TTC28: variants seen among roughly 807,000 people sequenced by gnomAD.
TTC28 encodes the protein tetratricopeptide repeat protein 28.
A neutral mutation model predicts 198.0 loss-of-function variants in TTC28; 61 were observed. The ratio of observed to expected loss-of-function variants is 0.31; its 90% confidence interval spans 0.25 to 0.38. The LOEUF (loss-of-function observed/expected upper bound fraction) is 0.38. Among genes scored for constraint, TTC28 ranks in the 10% least tolerant of loss-of-function variants. The pLI is 1.00. For missense variants in TTC28, 2,678 were observed against 3,164.0 expected, an observed-to-expected ratio of 0.85 and a Z score of 3.69; for synonymous variants, 1,171 against 1,297.8, an observed-to-expected ratio of 0.90 and a Z score of 2.10.
rs1306718555 is a variant in TTC28 at position 27,981,288 on chromosome 22, A to G, written c.*933T>C. 1 of 114,826 alleles carries G rather than the reference A, an allele frequency of 8.7e-6. No individual in the cohort carries two copies. Among genetic ancestry groups the G allele is most frequent in the Non-Finnish European group, 1.6e-5 (1 of 61,240 alleles). 7.1% of individuals were successfully genotyped at this position (114,826 alleles called of 1,614,324 possible). A position where few individuals can be genotyped will look rare whatever the true frequency, so the allele number is the denominator to read the frequency against. ...TTTTTGCTTATAAGGAAACGGAGTC[A>G]TTTCAACCTTTCCTTCCAAACTTGA... On this transcript the variant is annotated 3_prime_UTR_variant, in exon 23 of 23. Transcript: ENST00000397906.
chr22:28,101,240 C>T lies in TTC28; in HGVS notation c.3348G>A (p.Glu1116=). 1 of 1,551,710 alleles carries T rather than the reference C, an allele frequency of 6.4e-7. No homozygotes were observed. The highest frequency in any genetic ancestry group is 8.7e-7 in the Non-Finnish European group (1 of 1,146,940). The part of the protein sequence containing the change: ...LAEQLGRRED[E]AKIRHGLGLS... Reference sequence around the variant, plus strand: ...GGCCAAGGCCATGGCGAATTTTTGCCTCATCTTCTCTTCGGCCCAGTTGCT... The same window carrying T: ...GGCCAAGGCCATGGCGAATTTTTGCTTCATCTTCTCTTCGGCCCAGTTGCT... The change falls in exon 9 of 23, where the codon GAG becomes GAA. Residue 1116 remains glutamate, a synonymous_variant. Coordinates refer to ENST00000397906, the MANE Select transcript of TTC28 (RefSeq NM_001145418.2).
intron 16 of TTC28, among the ~76,000 whole-genome samples, chr22:27,996,598 G>T (rs929458727): frequency 6.6e-6 from 1 of 152,314 alleles, no homozygotes; most frequent in South Asian, 2.1e-4. Flanking sequence ...GGGGGAACAC[G>T]TCAGGGGAGG....
intron 2 of TTC28, among the ~76,000 whole-genome samples, chr22:28,348,882 G>A (rs181617622): frequency 6.6e-6 from 1 of 152,206 alleles, no homozygotes; most frequent in African/African-American, 2.4e-5. Context: ...TAAAAGAATC[G>A]TCCCAGTCCT....
At chr22:28,430,053 T>TA (rs1247429105) in intron 2 of TTC28, among the ~76,000 whole-genome samples, 1 of 150,918 alleles carries the variant, frequency 6.6e-6, no homozygotes, top group Non-Finnish European at 1.5e-5. Context: ...TTTTTTTTTT[T>TA]TTTTTTTAGT....
intron 5 of TTC28, among the ~76,000 whole-genome samples, chr22:28,267,475 A>G (rs1361798513): frequency 6.6e-6 from 1 of 152,204 alleles, no homozygotes; most frequent in Non-Finnish European, 1.5e-5. Context: ...CAAGCCTAGT[A>G]TCTGTTTCTG....
intron 17 of TTC28, among the ~76,000 whole-genome samples, chr22:27,993,937 G>C (rs142588688): frequency 6.6e-6 from 1 of 152,236 alleles, no homozygotes; most frequent in Non-Finnish European, 1.5e-5. Context: ...ATGGGGTCTT[G>C]GCTGGCAATG....
chr22:28,266,629 A>G (rs1034095646), intron 5 of TTC28, among the ~76,000 whole-genome samples: 5 of 152,206 alleles, frequency 3.3e-5, no homozygotes, highest in Non-Finnish European at 5.9e-5. Context: ...CACTTGTCCC[A>G]GGGAGGTCTC....
At chr22:28,055,423 G>A in intron 12 of TTC28, among the ~76,000 whole-genome samples, 1 of 152,262 alleles carries the variant, frequency 6.6e-6, no homozygotes, top group Middle Eastern at 3.4e-3. Flanking sequence ...TGCTAAAAGT[G>A]TTTGAAACAA....
chr22:27,996,248 T>G lies in TTC28; in HGVS notation c.5131A>C (p.Ile1711Leu), dbSNP rs1294259532. Residue 1711 changes from isoleucine to leucine, a missense_variant, in exon 17 of 23, where the codon ATC becomes CTC. Physicochemically the swap from Ile to Leu is conservative, Grantham distance 5. Transcript: ENST00000397906. ...HPSNWAGFML[I>L]GSDVKLNSPS... ...CTGTTCAGCTTAACGTCACTCCCGA[T>G]GAGCATGAACCCTGCAGAAAGCAAA... is the stretch of plus-strand genomic sequence containing the variant. 6.4e-7 allele frequency: 1 copy of G among 1,550,868 alleles called. No homozygotes were observed. The highest frequency in any genetic ancestry group is 2.0e-5 in the Admixed American group (1 of 50,990).
chr22:28,392,154 G>A (rs528183248), intron 2 of TTC28, among the ~76,000 whole-genome samples: 63 of 152,312 alleles, frequency 4.1e-4, no homozygotes, highest in African/African-American at 9.6e-4. Context: ...TAGGCTGCTC[G>A]GGGGTCAGGG....
intron 2 of TTC28, among the ~76,000 whole-genome samples, chr22:28,442,390 G>A (rs1350601472): frequency 6.6e-6 from 1 of 152,252 alleles, no homozygotes; most frequent in Non-Finnish European, 1.5e-5. Flanking sequence ...CCAGCTGCTG[G>A]GCTGGTGTGC....
At chr22:28,360,267 G>C (rs574906899) in intron 2 of TTC28, among the ~76,000 whole-genome samples, 1 of 152,272 alleles carries the variant, frequency 6.6e-6, no homozygotes, top group Middle Eastern at 3.4e-3. Flanking sequence ...ACAGAGAAGA[G>C]AGGCAGAGCA....
intron 2 of TTC28, among the ~76,000 whole-genome samples, chr22:28,402,657 T>G (rs961321823): frequency 6.6e-6 from 1 of 152,248 alleles, no homozygotes; most frequent in Non-Finnish European, 1.5e-5. Flanking sequence ...CAGATCACTA[T>G]GTAGTAATTC....
intron 6 of TTC28, among the ~76,000 whole-genome samples, chr22:28,136,867 C>A (rs1420010164): frequency 6.6e-6 from 1 of 152,140 alleles, no homozygotes; most frequent in African/African-American, 2.4e-5. Context: ...ATTTTATCAG[C>A]CAGAAGTAGT....
chr22:28,391,611 C>T (rs530624335), intron 2 of TTC28, among the ~76,000 whole-genome samples: 71 of 152,294 alleles, frequency 4.7e-4, no homozygotes, highest in African/African-American at 1.7e-3. Context: ...ATCGCTGATA[C>T]CCTTTCTTCC....
At chr22:28,123,899 C>G (rs1942851942) in intron 6 of TTC28, among the ~76,000 whole-genome samples, 1 of 152,144 alleles carries the variant, frequency 6.6e-6, no homozygotes, top group African/African-American at 2.4e-5. Flanking sequence ...AGGAGAATTG[C>G]TTGAACCCGG....
At chr22:28,396,041 A>T (rs1433757319) in intron 2 of TTC28, among the ~76,000 whole-genome samples, 1 of 152,192 alleles carries the variant, frequency 6.6e-6, no homozygotes, top group African/African-American at 2.4e-5. Context: ...ATTATTATCC[A>T]ATGTTCTTCC....
intron 2 of TTC28, among the ~76,000 whole-genome samples, chr22:28,319,529 A>G (rs1280270979): frequency 6.6e-6 from 1 of 152,198 alleles, no homozygotes; most frequent in Non-Finnish European, 1.5e-5. Context: ...AAATAATATA[A>G]CACTGTGGTG....
chr22:28,053,268 T>C (rs1288688236), intron 12 of TTC28, among the ~76,000 whole-genome samples: 1 of 152,234 alleles, frequency 6.6e-6, no homozygotes, highest in Non-Finnish European at 1.5e-5. Context: ...CTGCTGGGCA[T>C]CTGCACAGAA....
Sources: gnomAD v4.1 joint callset for allele counts (sites outside exome capture counted in the v4.1 genomes callset) on GRCh38, gnomAD v4.1.1 for gene constraint, MANE v1.5 for transcripts, NCBI Gene and HGNC (gene_info 2026-07-23, HGNC 2026-07-21) for gene names.